CELF2: variants seen among roughly 807,000 people sequenced by gnomAD.
CELF2 encodes CUGBP Elav-like family member 2, also known as CUG triplet repeat RNA-binding protein 2.
In CELF2, 8 loss-of-function variants were observed where a neutral mutation model predicts 62.6. The ratio of observed to expected loss-of-function variants is 0.13; its 90% confidence interval spans 0.07 to 0.23. The LOEUF is 0.23. Among genes scored for constraint, CELF2 ranks in the 10% least tolerant of loss-of-function variants. The pLI, the probability that CELF2 is intolerant of heterozygous loss-of-function variation, is 1.00. For missense variants in CELF2, 333 were observed against 671.0 expected (o/e 0.50, Z 5.56); for synonymous variants, 258 against 250.0 (o/e 1.03, Z -0.30).
chr10:10,763,693 G>A, the CELF2 span, among the ~76,000 whole-genome samples: 4 of 152,144 alleles, frequency 2.6e-5, no homozygotes, highest in African/African-American at 9.7e-5. Flanking sequence ...GGGAACAGAG[G>A]GTCCCTGTAT....
At chr10:11,271,902 T>C (rs1256146234) in intron 7 of CELF2, among the ~76,000 whole-genome samples, 2 of 152,252 alleles carry the variant, frequency 1.3e-5, no homozygotes, top group Admixed American at 6.5e-5. Flanking sequence ...TTCGGACATA[T>C]GAGGAAAGGG....
chr10:10,890,238 AG>A (rs1488599675), intron 1 of CELF2, among the ~76,000 whole-genome samples: 1 of 152,174 alleles, frequency 6.6e-6, no homozygotes, highest in African/African-American at 2.4e-5. Flanking sequence ...TTCTGGAATC[AG>A]GGGTATTTCC....
chr10:11,146,235 A>G (rs1038113405), intron 1 of CELF2, among the ~76,000 whole-genome samples: 1 of 152,248 alleles, frequency 6.6e-6, no homozygotes, highest in African/African-American at 2.4e-5. Flanking sequence ...GAATGAATGA[A>G]TTATTCAAAT....
chr10:10,745,495 G>T, the CELF2 span, among the ~76,000 whole-genome samples: 5 of 152,094 alleles, frequency 3.3e-5, no homozygotes, highest in Admixed American at 1.3e-4. Context: ...CGAGAGCTTG[G>T]CAGATCCTTC....
upstream of CELF2, among the ~76,000 whole-genome samples, chr10:11,003,698 T>A (rs1198045072): frequency 2.0e-5 from 3 of 152,192 alleles, no homozygotes; most frequent in Non-Finnish European, 4.4e-5. This position sits in a 1 kb window ranked among gnomAD's most constrained non-coding sequence, Gnocchi z 4.4. Context: ...CTCCCTAAGA[T>A]CTCTCTGGTT....
the CELF2 span, among the ~76,000 whole-genome samples, chr10:10,495,866 G>A: frequency 1.3e-5 from 2 of 152,140 alleles, no homozygotes; most frequent in Non-Finnish European, 2.9e-5. Context: ...ATATCCACCT[G>A]TACCAGAAAA....
At chr10:11,054,794 G>A (rs937038535) in intron 1 of CELF2, among the ~76,000 whole-genome samples, 3 of 152,048 alleles carry the variant, frequency 2.0e-5, no homozygotes, top group Non-Finnish European at 4.4e-5. Context: ...GGCTCACTGC[G>A]ACATCCGCCT....
rs900842026 is a variant in CELF2, at chr10:10,983,191, T to A, written c.89+63192T>A. On this transcript the variant is annotated intron_variant, in intron 2 of 13. Coordinates refer to the CELF2 transcript ENST00000636488. This position sits in a 1 kb window ranked among gnomAD's most constrained non-coding sequence, Gnocchi z 5.2. ...TTCAGACACATAGGTTTATACAAGA[T>A]GAAAATATTAGATAAAAAGTGATAC... Among the ~76,000 whole-genome samples, 3 of 152,216 alleles carry A rather than the reference T, an allele frequency of 2.0e-5. No homozygotes were observed. The highest frequency in any genetic ancestry group is 4.8e-5 in the African/African-American group (2 of 41,470).
the CELF2 span, among the ~76,000 whole-genome samples, chr10:10,607,012 C>G: frequency 1.3e-5 from 2 of 152,058 alleles, no homozygotes; most frequent in African/African-American, 4.8e-5. Flanking sequence ...AAGAAAAAAA[C>G]AAAGAAAAAT....
intron 2 of CELF2, among the ~76,000 whole-genome samples, chr10:11,180,706 T>C (rs10905909): frequency 0.14 from 21,275 of 152,168 alleles, 2,617 homozygotes; most frequent in East Asian, 0.61. Context: ...CGCTAGGTCC[T>C]GTACTAAGGG....
intron 7 of CELF2, among the ~76,000 whole-genome samples, chr10:11,272,587 T>C (rs180869470): frequency 3.3e-5 from 5 of 152,374 alleles, no homozygotes; most frequent in Admixed American, 3.3e-4. Flanking sequence ...TGGGACCACA[T>C]CTGCAAATTG....
chr10:10,495,855 T>A, the CELF2 span, among the ~76,000 whole-genome samples: 3 of 152,236 alleles, frequency 2.0e-5, no homozygotes, highest in South Asian at 2.1e-4. Context: ...ATTTTCACCC[T>A]ATATCCACCT....
the CELF2 span, among the ~76,000 whole-genome samples, chr10:10,791,243 G>A: frequency 6.6e-6 from 1 of 151,860 alleles, no homozygotes; most frequent in African/African-American, 2.4e-5. Flanking sequence ...GCTTTCTGGG[G>A]GAAGTCATTG....
chr10:11,289,688 G>A (rs900608821), intron 9 of CELF2, among the ~76,000 whole-genome samples: 2 of 152,138 alleles, frequency 1.3e-5, no homozygotes, highest in African/African-American at 4.8e-5. Flanking sequence ...AAAACATACC[G>A]TTACTGTATG....
At chr10:10,567,962 G>C in the CELF2 span, among the ~76,000 whole-genome samples, 89 of 152,212 alleles carry the variant, frequency 5.8e-4, 1 homozygote, top group Middle Eastern at 3.4e-3. Flanking sequence ...ATTAAGCAAT[G>C]AACAAAGCTG....
At chr10:10,971,671 G>C (rs1487325050) in intron 2 of CELF2, among the ~76,000 whole-genome samples, 1 of 152,116 alleles carries the variant, frequency 6.6e-6, no homozygotes, top group Non-Finnish European at 1.5e-5. Context: ...ACTACAAACT[G>C]TGCCTCCCAG....
chr10:10,839,062 C>T (rs1056830176), intron 1 of CELF2, among the ~76,000 whole-genome samples: 6 of 152,154 alleles, frequency 3.9e-5, no homozygotes, highest in African/African-American at 1.4e-4. Flanking sequence ...AGGAGAATTG[C>T]TTGAACCCAG....
At chr10:11,017,655 C>T (rs1461093402), upstream of CELF2, among the ~76,000 whole-genome samples, 1 of 152,128 alleles carries the variant, frequency 6.6e-6, no homozygotes, top group Non-Finnish European at 1.5e-5. This position sits in a 1 kb window ranked among gnomAD's most constrained non-coding sequence, Gnocchi z 5.5. Context: ...GCCACGGCGG[C>T]CTCTTGCCAG....
At chr10:10,568,933 C>T in the CELF2 span, among the ~76,000 whole-genome samples, 2 of 152,090 alleles carry the variant, frequency 1.3e-5, no homozygotes, top group Non-Finnish European at 2.9e-5. Flanking sequence ...CTTCTAGTTA[C>T]AATATTGTAA....
Sources: gnomAD v4.1 joint callset for allele counts (sites outside exome capture counted in the v4.1 genomes callset) on GRCh38, gnomAD v4.1.1 for gene constraint, Gnocchi (gnomAD v3.1) non-coding constraint, MANE v1.5 for transcripts, NCBI Gene and HGNC (gene_info 2026-07-23, HGNC 2026-07-21) for gene names.